TMEM33: variants seen among roughly 807,000 people sequenced by gnomAD.
The protein encoded by TMEM33 is transmembrane protein 33.
In TMEM33, 16 loss-of-function variants were observed where a neutral mutation model predicts 29.7. That is an observed-to-expected ratio of 0.54 (90% CI 0.36 to 0.82). The LOEUF (loss-of-function observed/expected upper bound fraction) is 0.82, where lower values mean the gene tolerates loss of function less well. TMEM33 is among the 40% of genes least tolerant of loss of function. The pLI is 0.00. For synonymous variants in TMEM33, 112 were observed against 109.4 expected (o/e 1.02, Z -0.15); for missense variants, 252 against 295.3 (o/e 0.85, Z 1.08).
At chr4:41,940,006 A>G (rs1299807584) in intron 3 of TMEM33, among the ~76,000 whole-genome samples, 4 of 149,748 alleles carry the variant, frequency 2.7e-5, no homozygotes, top group Non-Finnish European at 3.0e-5. Flanking sequence ...GAGGGGAAAA[A>G]TGGGGAAGAG....
chr4:41,946,280 C>G (rs1295043317), intron 5 of TMEM33, among the ~76,000 whole-genome samples: 1 of 151,894 alleles, frequency 6.6e-6, no homozygotes, highest in Non-Finnish European at 1.5e-5. Context: ...ATGGACCATG[C>G]TAAATTGTTC....
chr4:41,939,656 C>T (rs1391642598), intron 3 of TMEM33: 6 of 525,636 alleles, frequency 1.1e-5, no homozygotes, highest in Admixed American at 2.3e-5. Context: ...CTTCGAAGCA[C>T]AACCTTACGC....
rs2153128910 is a variant in TMEM33, at chr4:41,959,968, G to A, written c.*5769G>A. On this transcript the variant is annotated 3_prime_UTR_variant, in exon 7 of 7. Coordinates refer to ENST00000504986, the MANE Select transcript of TMEM33 (RefSeq NM_018126.3). ...TATCTAATATTGTACAGGTTGGGGAGTTACATTCTTCAGGCCAATACTATC... is the reference window on the plus strand; with the variant it reads ...TATCTAATATTGTACAGGTTGGGGAATTACATTCTTCAGGCCAATACTATC... 1 of 152,156 alleles carries A rather than the reference G, an allele frequency of 6.6e-6. No homozygotes were observed. Among genetic ancestry groups the A allele is most frequent in the Admixed American group, 6.5e-5 (1 of 15,282 alleles). 9.4% of individuals were successfully genotyped at this position (152,156 alleles called of 1,614,324 possible).
At position 41,954,598 on chromosome 4, in the gene TMEM33, A is replaced by G. The variant is rs1237412960; in HGVS notation, c.*399A>G. On this transcript the variant is annotated 3_prime_UTR_variant, in exon 7 of 7. Coordinates refer to ENST00000504986, the MANE Select transcript of TMEM33 (RefSeq NM_018126.3). ...TATGGTGATACACATATGTGAATTC[A>G]GTACATTTTGAGACAGTATTCTACC... 1.9e-5 allele frequency: 3 copies of G among 156,212 alleles called. No homozygotes were observed. The highest frequency in any genetic ancestry group is 7.2e-5 in the African/African-American group (3 of 41,526). The allele number at this position is 156,212 out of a possible 1,614,324, so 9.7% of individuals were successfully genotyped here.
chr4:41,940,134 A>T (rs1288576033), intron 3 of TMEM33, among the ~76,000 whole-genome samples: 2 of 137,018 alleles, frequency 1.5e-5, no homozygotes, highest in African/African-American at 5.5e-5. Flanking sequence ...CTGGGATTAT[A>T]GGCGTGAGCC....
At chr4:41,938,488 A>T (rs1411027734) in intron 1 of TMEM33, 114 bp from the exon 2 acceptor site, 1 of 1,008,960 alleles carries the variant, frequency 9.9e-7, no homozygotes, top group Non-Finnish European at 1.5e-6. Context: ...TGATCTAAAA[A>T]AACAAATGGA....
At position 41,935,510 on chromosome 4, in the gene TMEM33, C is replaced by G; in HGVS notation, c.26C>G (p.Pro9Arg). The change falls in exon 1 of 7, where the codon CCC becomes CGC. Residue 9 changes from proline (P) to arginine (R), a missense_variant. Physicochemically the swap from Pro to Arg is moderately radical, Grantham distance 103. Coordinates refer to ENST00000504986, the MANE Select transcript of TMEM33 (RefSeq NM_018126.3). ...ATGGCAGATACGACCCCGAACGGCC[C>G]CCAAGGGGCGGGCGCTGTGGTAAGT... Reference protein sequence around the residue: MADTTPNGPQGAGAVQFMM... With the variant: MADTTPNGRQGAGAVQFMM... 1.2e-6 allele frequency: 2 copies of G among 1,609,630 alleles called. No individual in the cohort carries two copies. Among genetic ancestry groups the G allele is most frequent in the East Asian group, 4.5e-5 (2 of 44,740 alleles).
intron 1 of TMEM33, 66 bp downstream of exon 1, chr4:41,935,595 G>T: frequency 6.6e-7 from 1 of 1,505,930 alleles, no homozygotes; most frequent in South Asian, 1.2e-5. Flanking sequence ...GAAGCGTTGC[G>T]AGTCCCGAGG....
At chr4:41,942,568 G>A (rs1712590012) in intron 3 of TMEM33, among the ~76,000 whole-genome samples, 1 of 152,054 alleles carries the variant, frequency 6.6e-6, no homozygotes, top group African/African-American at 2.4e-5. Context: ...CATTTCTTAG[G>A]AACTGGTAAT....
At chr4:41,947,953 C>G (rs562911240) in intron 5 of TMEM33, among the ~76,000 whole-genome samples, 1 of 151,996 alleles carries the variant, frequency 6.6e-6, no homozygotes, top group Non-Finnish European at 1.5e-5. Flanking sequence ...TTCATTAGTA[C>G]GGAGTTTGTT....
chr4:41,939,735 G>T (rs1382619497), intron 3 of TMEM33: 1 of 458,798 alleles, frequency 2.2e-6, no homozygotes. Context: ...CAGATGTCTT[G>T]CTTTAAAAAA....
chr4:41,937,511 TAATG>T (rs1279067132), intron 1 of TMEM33, among the ~76,000 whole-genome samples: 2 of 152,158 alleles, frequency 1.3e-5, no homozygotes. Flanking sequence ...TTTCAAAAGA[TAATG>T]AAATTAAATT....
intron 5 of TMEM33, among the ~76,000 whole-genome samples, chr4:41,946,262 T>A (rs1712784959): frequency 6.6e-6 from 1 of 152,060 alleles, no homozygotes; most frequent in Non-Finnish European, 1.5e-5. Context: ...AGGTGCCTTT[T>A]GTGTTTAATG....
chr4:41,938,132 T>C lies in TMEM33; in HGVS notation c.46-470T>C, dbSNP rs774807586. 2.0e-5 allele frequency among the ~76,000 whole-genome samples: 3 copies of C among 152,222 alleles called. No individual in the cohort carries two copies. The East Asian group carries it at 5.8e-4, about 29-fold the overall frequency. ...TTTAATCCCAACTGGCTTTATGTGA[T>C]GTTTTACTCAGCTCTGAGACCTACC... On this transcript the variant is annotated intron_variant, in intron 1 of 6. Coordinates refer to ENST00000504986, the MANE Select transcript of TMEM33 (RefSeq NM_018126.3).
rs558117030 is a variant in TMEM33 at position 41,960,791 on chromosome 4, T to C, written c.*6592T>C. On this transcript the variant is annotated 3_prime_UTR_variant, in exon 7 of 7. Coordinates refer to ENST00000504986, the MANE Select transcript of TMEM33 (RefSeq NM_018126.3). ...AAAAAAAAAGGAAAGAAAAATTACA[T>C]TGATGCCTCAGCTGTTTGCTTGATT... Among the ~76,000 whole-genome samples the C allele has an allele frequency of 2.0e-5, 3 of 152,298 alleles. No homozygotes were observed. The highest frequency in any genetic ancestry group is 2.1e-4 in the South Asian group (1 of 4,830).
chr4:41,952,267 ATAT>A (rs1335722391), intron 6 of TMEM33, among the ~76,000 whole-genome samples: 3 of 152,212 alleles, frequency 2.0e-5, no homozygotes, highest in South Asian at 2.1e-4. Flanking sequence ...ATTACTCCAA[ATAT>A]TATTATTCCT....
intron 3 of TMEM33, among the ~76,000 whole-genome samples, chr4:41,942,019 G>A (rs1396035067): frequency 6.6e-6 from 1 of 152,212 alleles, no homozygotes; most frequent in African/African-American, 2.4e-5. Flanking sequence ...ATTTGCCAGA[G>A]CATGAAACTT....
At chr4:41,935,301 G>T (rs946098809), upstream of TMEM33, 45 of 682,696 alleles carry the variant, frequency 6.6e-5, no homozygotes, top group African/African-American at 7.4e-4. Flanking sequence ...GATCCAGTCG[G>T]CTGCACCAGG....
At chr4:41,951,970 C>A (rs571139675) in intron 6 of TMEM33, among the ~76,000 whole-genome samples, 17 of 152,178 alleles carry the variant, frequency 1.1e-4, no homozygotes, top group African/African-American at 4.1e-4. Context: ...CTGGGAACCC[C>A]CATGATGAAA....
Sources: allele counts gnomAD v4.1 joint callset (sites outside exome capture counted in the v4.1 genomes callset), GRCh38; gene constraint gnomAD v4.1.1; transcripts MANE v1.5; gene names NCBI Gene and HGNC (gene_info 2026-07-23, HGNC 2026-07-21).